The following PPP1R9A variants were observed in gnomAD, a reference collection of about 807,000 sequenced individuals.
The protein encoded by PPP1R9A is protein phosphatase 1 regulatory subunit 9A, also known as neurabin-1.
In PPP1R9A, 59 loss-of-function variants were observed where a neutral mutation model predicts 141.9. That is an observed-to-expected ratio of 0.42 (90% CI 0.34 to 0.52). The LOEUF (loss-of-function observed/expected upper bound fraction) is 0.52. PPP1R9A is among the 20% of genes least tolerant of loss of function. The pLI, the probability that PPP1R9A is intolerant of heterozygous loss-of-function variation, is 0.10. For synonymous variants in PPP1R9A, 500 were observed against 569.7 expected, an observed-to-expected ratio of 0.88 and a Z score of 1.74; for missense variants, 1,444 against 1,611.9, an observed-to-expected ratio of 0.90 and a Z score of 1.78.
At chr7:95,112,779 G>A (rs1328139536) in intron 3 of PPP1R9A, among the ~76,000 whole-genome samples, 1 of 151,942 alleles carries the variant, frequency 6.6e-6, no homozygotes. Flanking sequence ...CAGCAACATG[G>A]TTGGAGCTGG....
At chr7:95,174,622 A>G (rs1280445921) in intron 5 of PPP1R9A, among the ~76,000 whole-genome samples, 1 of 152,180 alleles carries the variant, frequency 6.6e-6, no homozygotes, top group African/African-American at 2.4e-5. Flanking sequence ...TGATGTGAAA[A>G]GGACTGTGTC....
intron 5 of PPP1R9A, chr7:95,175,216 A>G (rs1465892765): frequency 1.3e-5 from 2 of 152,092 alleles, no homozygotes; most frequent in Non-Finnish European, 2.9e-5. Flanking sequence ...ACTTGGGTCT[A>G]TGTTAGAGGC....
intron 2 of PPP1R9A, among the ~76,000 whole-genome samples, chr7:95,107,395 C>A (rs1026507394): frequency 1.6e-4 from 24 of 151,964 alleles, no homozygotes; most frequent in Admixed American, 6.6e-5. Flanking sequence ...AGTTTTTGGG[C>A]TTTATTTTTA....
chr7:95,237,472 A>T (rs1796869676), intron 8 of PPP1R9A, among the ~76,000 whole-genome samples: 1 of 152,062 alleles, frequency 6.6e-6, no homozygotes, highest in Non-Finnish European at 1.5e-5. Context: ...CTAGGATTAC[A>T]GGCATGAGCC....
chr7:95,210,936 G>A (rs1220784444), intron 7 of PPP1R9A, among the ~76,000 whole-genome samples: 2 of 152,074 alleles, frequency 1.3e-5, no homozygotes, highest in Non-Finnish European at 2.9e-5. Flanking sequence ...TCATAAGTGT[G>A]AGTGGATCAA....
intron 12 of PPP1R9A, among the ~76,000 whole-genome samples, chr7:95,261,690 AAACT>A (rs896037987): frequency 1.1e-4 from 16 of 152,320 alleles, no homozygotes; most frequent in Admixed American, 5.9e-4. Flanking sequence ...ACTTTATTAC[AAACT>A]ATTTCCAAGC....
intron 8 of PPP1R9A, among the ~76,000 whole-genome samples, chr7:95,232,640 A>C (rs187148229): frequency 3.9e-5 from 6 of 152,220 alleles, no homozygotes; most frequent in Non-Finnish European, 7.3e-5. Context: ...AAGGGCTAAT[A>C]TCCAGAATCT....
At chr7:95,034,956 A>G (rs1263098229) in intron 2 of PPP1R9A, among the ~76,000 whole-genome samples, 1 of 152,214 alleles carries the variant, frequency 6.6e-6, no homozygotes, top group African/African-American at 2.4e-5. Flanking sequence ...TCACAGGGCT[A>G]GAAAGTTGTG....
At chr7:95,264,867 C>A (rs1001938292) in intron 12 of PPP1R9A, among the ~76,000 whole-genome samples, 4 of 152,100 alleles carry the variant, frequency 2.6e-5, no homozygotes, top group African/African-American at 9.7e-5. Flanking sequence ...ACAAGGCACA[C>A]TGGAGAAACG....
rs1008420828 is a variant in PPP1R9A, at chr7:94,927,517, G to A, written c.1395+16009G>A. 3.3e-5 allele frequency among the ~76,000 whole-genome samples: 5 copies of A among 152,012 alleles called. No homozygotes were observed. The East Asian group carries it at 5.8e-4, about 18-fold the overall frequency. On this transcript the variant is annotated intron_variant, in intron 2 of 19. Transcript: ENST00000433360. Reference sequence around the variant, plus strand: ...AGGCATTAGTCAAGGCTGATAAATCGCCTATTATTCAAGTGTTTATAAATA... The same window carrying A: ...AGGCATTAGTCAAGGCTGATAAATCACCTATTATTCAAGTGTTTATAAATA...
chr7:95,115,000 G>T (rs1051801349), intron 3 of PPP1R9A, among the ~76,000 whole-genome samples: 3 of 150,894 alleles, frequency 2.0e-5, no homozygotes, highest in African/African-American at 7.3e-5. Context: ...GCAAAAAATG[G>T]ACCTGTCTTA....
At chr7:95,192,309 T>C (rs550542825) in intron 5 of PPP1R9A, among the ~76,000 whole-genome samples, 53 of 152,094 alleles carry the variant, frequency 3.5e-4, no homozygotes, top group Middle Eastern at 3.4e-3. Flanking sequence ...AAGTAATGTA[T>C]AAATATGCAG....
chr7:95,009,364 G>C (rs1804088406), intron 2 of PPP1R9A, among the ~76,000 whole-genome samples: 1 of 152,166 alleles, frequency 6.6e-6, no homozygotes, highest in Admixed American at 6.6e-5. Flanking sequence ...CTACTCTCTT[G>C]ACAGGGATGA....
At chr7:95,159,618 C>G (rs1427254695) in intron 4 of PPP1R9A, among the ~76,000 whole-genome samples, 1 of 151,950 alleles carries the variant, frequency 6.6e-6, no homozygotes, top group Admixed American at 6.6e-5. Flanking sequence ...CTGTAATGTG[C>G]TTCTTTAGAA....
intron 5 of PPP1R9A, among the ~76,000 whole-genome samples, chr7:95,189,430 A>ATTTT (rs1835136252): frequency 7.9e-6 from 1 of 126,944 alleles, no homozygotes; most frequent in African/African-American, 3.2e-5. Flanking sequence ...GGGTTTGTTT[A>ATTTT]TTCTTTTTTT....
At chr7:94,930,081 A>C (rs943231831) in intron 2 of PPP1R9A, among the ~76,000 whole-genome samples, 1 of 152,200 alleles carries the variant, frequency 6.6e-6, no homozygotes, top group Non-Finnish European at 1.5e-5. Flanking sequence ...CAATAGTTGC[A>C]AAATACGAGG....
At chr7:94,934,132 A>G (rs1015562324) in intron 2 of PPP1R9A, among the ~76,000 whole-genome samples, 1 of 152,172 alleles carries the variant, frequency 6.6e-6, no homozygotes, top group Non-Finnish European at 1.5e-5. Flanking sequence ...AAATGAGGGT[A>G]AAGTAAGAGG....
intron 5 of PPP1R9A, among the ~76,000 whole-genome samples, chr7:95,164,559 T>C (rs1830905712): frequency 6.6e-6 from 1 of 152,062 alleles, no homozygotes; most frequent in South Asian, 2.1e-4. Context: ...ATTTGCTTTA[T>C]TTCTTCTGCA....
chr7:95,240,233 A>G lies in PPP1R9A; in HGVS notation c.2113-7240A>G, dbSNP rs138779216. On this transcript the variant is annotated intron_variant, in intron 8 of 19. Coordinates refer to ENST00000433360, the MANE Select transcript of PPP1R9A (RefSeq NM_001166160.2). ...GAGTGTTTTAAAGGAAAAGTCTAAC[A>G]TAAAGCTTGCATTTGGATGCTTGTA... Among the ~76,000 whole-genome samples the G allele has an allele frequency of 4.8e-3, 735 of 152,236 alleles. 6 individuals are homozygous for G. Among genetic ancestry groups the G allele is most frequent in the African/African-American group, 0.017 (692 of 41,564 alleles).
Sources: gnomAD v4.1 joint callset for allele counts (sites outside exome capture counted in the v4.1 genomes callset) on GRCh38, gnomAD v4.1.1 for gene constraint, MANE v1.5 for transcripts, NCBI Gene and HGNC (gene_info 2026-07-23, HGNC 2026-07-21) for gene names.